ANKRD6: variants seen among roughly 807,000 people sequenced by gnomAD.
ANKRD6 encodes the protein ankyrin repeat domain 6, also known as ankyrin repeat domain-containing protein 6.
ANKRD6 carries 56 observed loss-of-function variants against 82.3 expected under a neutral mutation model. That is an observed-to-expected ratio of 0.68 (90% confidence interval 0.55 to 0.85). The LOEUF is 0.85. Ranked by LOEUF, ANKRD6 falls within the 40% of genes least tolerant of loss-of-function variation. The pLI is 0.00. For synonymous variants in ANKRD6, 347 were observed against 352.1 expected (o/e 0.99, Z 0.16); for missense variants, 852 against 907.6 (o/e 0.94, Z 0.79).
chr6:89,581,865 T>C (rs755148985), intron 2 of ANKRD6, among the ~76,000 whole-genome samples: 17 of 152,102 alleles, frequency 1.1e-4, no homozygotes, highest in Non-Finnish European at 2.4e-4. Context: ...TTCGTTCTGC[T>C]CCGGGTTAGC....
At chr6:89,555,537 C>G (rs1381317432) in intron 1 of ANKRD6, among the ~76,000 whole-genome samples, 3 of 151,894 alleles carry the variant, frequency 2.0e-5, no homozygotes, top group East Asian at 3.9e-4. Flanking sequence ...CCCTTGGGAC[C>G]CTGGAGGTTG....
At chr6:89,453,733 C>T (rs577971543) in intron 1 of ANKRD6, among the ~76,000 whole-genome samples, 58 of 149,490 alleles carry the variant, frequency 3.9e-4, no homozygotes, top group African/African-American at 1.4e-3. Flanking sequence ...GTGCACGCCA[C>T]CCAGCTAATT....
intron 1 of ANKRD6, among the ~76,000 whole-genome samples, chr6:89,560,015 G>A (rs1383117717): frequency 3.3e-5 from 5 of 152,108 alleles, no homozygotes; most frequent in African/African-American, 1.2e-4. Flanking sequence ...GACATTAAAG[G>A]CCATCTGTGT....
At position 89,579,344 on chromosome 6, in the gene ANKRD6, G is replaced by T. The variant is rs180922267; in HGVS notation, c.120+12248G>T. On this transcript the variant is annotated intron_variant, in intron 2 of 15. Coordinates refer to ENST00000339746, the MANE Select transcript of ANKRD6 (RefSeq NM_001242809.2). ...TGTCAAATATAGTAGGCACTGAGGG[G>T]ATTCTGACAATGCAACAATGCTAAG... Among the ~76,000 whole-genome samples the T allele has an allele frequency of 3.9e-5, 6 of 152,296 alleles. No individual in the cohort carries two copies. The East Asian group carries it at 1.2e-3, about 29-fold the overall frequency.
intron 2 of ANKRD6, among the ~76,000 whole-genome samples, chr6:89,580,568 A>G (rs561056578): frequency 1.3e-5 from 2 of 152,220 alleles, no homozygotes; most frequent in Admixed American, 6.5e-5. Context: ...CAGTGAGAAC[A>G]GGCTCTGCAC....
intron 10 of ANKRD6, among the ~76,000 whole-genome samples, chr6:89,623,006 G>GT (rs1173659579): frequency 1.5e-5 from 2 of 137,644 alleles, no homozygotes; most frequent in Non-Finnish European, 3.2e-5. Flanking sequence ...GTGGGTTGGG[G>GT]TGGGGGAGTG....
intron 1 of ANKRD6, among the ~76,000 whole-genome samples, chr6:89,473,944 G>A (rs1431273887): frequency 2.0e-5 from 3 of 152,172 alleles, no homozygotes; most frequent in Non-Finnish European, 4.4e-5. Flanking sequence ...TCGTGCCACT[G>A]CACTCAAGCC....
intron 2 of ANKRD6, among the ~76,000 whole-genome samples, chr6:89,578,314 G>GT (rs1791648940): frequency 1.2e-4 from 7 of 57,810 alleles, no homozygotes; most frequent in Non-Finnish European, 1.9e-4. Context: ...TTTTTTTTTG[G>GT]AAACAGAGTC....
intron 1 of ANKRD6, among the ~76,000 whole-genome samples, chr6:89,486,620 A>T (rs1054348263): frequency 5.3e-5 from 8 of 152,050 alleles, no homozygotes; most frequent in African/African-American, 1.7e-4. Context: ...TCTTTTAAAA[A>T]TTTTTTAAAT....
chr6:89,568,982 G>T (rs1789175430), intron 2 of ANKRD6, among the ~76,000 whole-genome samples: 2 of 150,228 alleles, frequency 1.3e-5, no homozygotes, highest in Non-Finnish European at 3.0e-5. Flanking sequence ...CCAGGCAGGA[G>T]AGCTCACTGC....
intron 1 of ANKRD6, among the ~76,000 whole-genome samples, chr6:89,468,189 C>G (rs967325540): frequency 2.6e-5 from 4 of 152,132 alleles, no homozygotes; most frequent in Non-Finnish European, 5.9e-5. Flanking sequence ...GTCAGAGAGT[C>G]TAAAAATTCA....
chr6:89,526,466 T>G (rs1160697352), intron 1 of ANKRD6, among the ~76,000 whole-genome samples: 1 of 152,184 alleles, frequency 6.6e-6, no homozygotes, highest in Admixed American at 6.5e-5. Flanking sequence ...CTCTAAAATG[T>G]GTCTTCTCAA....
In ANKRD6 at chr6:89,530,880, G is replaced by A. The variant is rs575609459; in HGVS notation, c.-143-35954G>A. On this transcript the variant is annotated intron_variant, in intron 1 of 15. Transcript: ENST00000339746. ...CTAGTCTTCATGCTGCTCAATGGCC[G>A]ACCACTTGAAAGTCATGGATACTAC... 7.9e-5 allele frequency among the ~76,000 whole-genome samples: 12 copies of A among 152,242 alleles called. No homozygotes were observed. In the East Asian group the frequency reaches 1.3e-3, roughly 17 times the overall value.
chr6:89,533,727 AGTGTGTGTGTGTGTGTGT>A (rs59064465), intron 1 of ANKRD6, among the ~76,000 whole-genome samples: 7 of 142,036 alleles, frequency 4.9e-5, no homozygotes, highest in African/African-American at 8.0e-5. Flanking sequence ...AGAGAAAATG[AGTGTGTGTGTGTGTGTGT>A]GTGTGTGTGT....
At chr6:89,624,516 T>A (rs570105485) in intron 12 of ANKRD6, 23 bp from the exon 13 acceptor site, 65 of 1,551,608 alleles carry the variant, frequency 4.2e-5, no homozygotes, top group Middle Eastern at 1.7e-4. Flanking sequence ...AAGGGATTGA[T>A]TCCTTTTTTG....
intron 1 of ANKRD6, among the ~76,000 whole-genome samples, chr6:89,559,851 C>T (rs921567128): frequency 6.6e-6 from 1 of 152,136 alleles, no homozygotes; most frequent in Non-Finnish European, 1.5e-5. Context: ...TTTGGAGGGT[C>T]TGGAGCCAGA....
chr6:89,524,474 G>A lies in ANKRD6; in HGVS notation c.-143-42360G>A, dbSNP rs532005829. 3.9e-4 allele frequency among the ~76,000 whole-genome samples: 60 copies of A among 152,194 alleles called. No individual in the cohort carries two copies. The South Asian group carries it at 0.011, about 28-fold the overall frequency. On this transcript the variant is annotated intron_variant, in intron 1 of 15. Transcript: ENST00000339746. The stretch of plus-strand genomic sequence containing the variant: ...AGACTGCTGAGAATGCCATTATTTC[G>A]TTTCTTACTCAGCCATAAAAGGGAA...
intron 5 of ANKRD6, 100 bp from the exon 6 acceptor site, chr6:89,612,172 T>A: frequency 1.9e-6 from 2 of 1,047,140 alleles, no homozygotes; most frequent in Non-Finnish European, 2.8e-6. Flanking sequence ...ATGTGAGCGT[T>A]GCCTTTTCCC....
chr6:89,452,015 C>T (rs1286603069), intron 1 of ANKRD6, among the ~76,000 whole-genome samples: 1 of 152,028 alleles, frequency 6.6e-6, no homozygotes, highest in African/African-American at 2.4e-5. Context: ...TGGGAAACAG[C>T]AAGACCCCAT....
Sources: allele counts gnomAD v4.1 joint callset (sites outside exome capture counted in the v4.1 genomes callset), GRCh38; gene constraint gnomAD v4.1.1; transcripts MANE v1.5; gene names NCBI Gene and HGNC (gene_info 2026-07-23, HGNC 2026-07-21).